Variants in KHDRBS2 observed in about 807,000 individuals in gnomAD.
KHDRBS2 encodes the protein KH domain-containing, RNA-binding, signal transduction-associated protein 2.
Under a neutral mutation model 44.3 loss-of-function variants are expected in KHDRBS2, and 26 were observed. That is an observed-to-expected ratio of 0.59 (90% CI 0.43 to 0.81). The LOEUF is 0.81. Ranked by LOEUF, KHDRBS2 falls within the 40% of genes least tolerant of loss-of-function variation. The pLI is 0.00. For missense variants in KHDRBS2, 476 were observed against 433.1 expected (o/e 1.10, Z -0.88); for synonymous variants, 194 against 151.1 (o/e 1.28, Z -2.08).
At chr6:62,194,379 T>C (rs538252261) in intron 1 of KHDRBS2, among the ~76,000 whole-genome samples, 1 of 151,282 alleles carries the variant, frequency 6.6e-6, no homozygotes, top group Admixed American at 6.6e-5. Flanking sequence ...CAATTAACCA[T>C]GAATGTGTGA....
At chr6:61,575,557 A>G in the KHDRBS2 span, among the ~76,000 whole-genome samples, 1 of 152,206 alleles carries the variant, frequency 6.6e-6, no homozygotes, top group Non-Finnish European at 1.5e-5. Context: ...GAAATTCCTT[A>G]AAGAACTAAA....
intron 1 of KHDRBS2, among the ~76,000 whole-genome samples, chr6:62,263,471 A>G (rs1190774229): frequency 6.6e-6 from 1 of 151,714 alleles, no homozygotes; most frequent in Non-Finnish European, 1.5e-5. Flanking sequence ...ATTAATGTTT[A>G]CTGTAATGGA....
chr6:62,096,759 G>T (rs1303984870), intron 2 of KHDRBS2, among the ~76,000 whole-genome samples: 1 of 151,430 alleles, frequency 6.6e-6, no homozygotes, highest in Non-Finnish European at 1.5e-5. Flanking sequence ...GTTTATTTGG[G>T]TTTGGTACAT....
intron 7 of KHDRBS2, among the ~76,000 whole-genome samples, chr6:61,702,187 C>T (rs1349912077): frequency 6.6e-6 from 1 of 151,898 alleles, no homozygotes; most frequent in Non-Finnish European, 1.5e-5. Context: ...CTCAAGACTA[C>T]ATTTTCTAGT....
At chr6:61,782,701 ATAT>A (rs1562170050) in intron 6 of KHDRBS2, among the ~76,000 whole-genome samples, 1 of 53,664 alleles carries the variant, frequency 1.9e-5, no homozygotes. Flanking sequence ...ATATATATAT[ATAT>A]ATATATATAT....
At chr6:61,546,874 C>T in the KHDRBS2 span, among the ~76,000 whole-genome samples, 1 of 152,026 alleles carries the variant, frequency 6.6e-6, no homozygotes, top group Non-Finnish European at 1.5e-5. Flanking sequence ...TTCTGTTTTA[C>T]AATAATTTGT....
chr6:62,246,102 T>TTTTATATATATATA (rs1434888553), intron 1 of KHDRBS2, among the ~76,000 whole-genome samples: 8 of 124,350 alleles, frequency 6.4e-5, no homozygotes, highest in African/African-American at 2.0e-4. Context: ...TCAATCAATT[T>TTTTATATATATATA]TATATATATA....
chr6:62,129,475 A>G (rs757266241), intron 2 of KHDRBS2, among the ~76,000 whole-genome samples: 3 of 152,190 alleles, frequency 2.0e-5, no homozygotes, highest in Non-Finnish European at 4.4e-5. Context: ...AGTGGGTTAA[A>G]TTAAAATAGC....
chr6:61,765,965 A>G (rs1230301650), intron 6 of KHDRBS2, among the ~76,000 whole-genome samples: 1 of 151,890 alleles, frequency 6.6e-6, no homozygotes, highest in African/African-American at 2.4e-5. Flanking sequence ...TCCTTTGTCT[A>G]GTTTTAGTAT....
At chr6:61,766,266 A>T (rs1779997193) in intron 6 of KHDRBS2, among the ~76,000 whole-genome samples, 1 of 151,914 alleles carries the variant, frequency 6.6e-6, no homozygotes, top group Non-Finnish European at 1.5e-5. Context: ...ATTCACATAT[A>T]GTTGCTCATA....
chr6:62,155,528 G>A (rs1816162938), intron 2 of KHDRBS2, among the ~76,000 whole-genome samples: 1 of 152,148 alleles, frequency 6.6e-6, no homozygotes, highest in African/African-American at 2.4e-5. Context: ...TAACATAAGG[G>A]ACCTAGGTCA....
At position 61,839,096 on chromosome 6, in the gene KHDRBS2, C is replaced by A. The variant is rs151237362; in HGVS notation, c.810+55539G>T. Among the ~76,000 whole-genome samples the A allele has an allele frequency of 1.5e-4, 23 of 152,096 alleles. No homozygotes were observed. In the East Asian group the frequency reaches 3.7e-3, roughly 24 times the overall value. Reference sequence around the variant, plus strand: ...GCTACAACTGGATAATTTTTCACATCTTCTAGATCTCATTTTATAGAGATG... The same window carrying A: ...GCTACAACTGGATAATTTTTCACATATTCTAGATCTCATTTTATAGAGATG... On this transcript the variant is annotated intron_variant, in intron 6 of 8. Coordinates refer to ENST00000281156, the MANE Select transcript of KHDRBS2 (RefSeq NM_152688.4).
chr6:61,877,545 A>G (rs1433518600), intron 6 of KHDRBS2, among the ~76,000 whole-genome samples: 1 of 151,654 alleles, frequency 6.6e-6, no homozygotes, highest in Non-Finnish European at 1.5e-5. Flanking sequence ...ACACAAACCT[A>G]CACTGCTCCC....
chr6:61,559,878 G>A, the KHDRBS2 span, among the ~76,000 whole-genome samples: 1 of 151,956 alleles, frequency 6.6e-6, no homozygotes, highest in Non-Finnish European at 1.5e-5. Flanking sequence ...AACATTCTTT[G>A]TTTTTCTGTG....
At chr6:61,630,103 G>C in the KHDRBS2 span, 1 of 152,206 alleles carries the variant, frequency 6.6e-6, no homozygotes, top group South Asian at 2.1e-4. Context: ...TGATATAATA[G>C]TCTATAAAAT....
At chr6:61,788,549 G>T (rs571584228) in intron 6 of KHDRBS2, among the ~76,000 whole-genome samples, 7 of 151,204 alleles carry the variant, frequency 4.6e-5, no homozygotes, top group South Asian at 2.1e-4. Flanking sequence ...TTTTGAAAAA[G>T]AGTTTCACAT....
chr6:62,172,440 C>A (rs9360346), intron 2 of KHDRBS2, among the ~76,000 whole-genome samples: 1 of 151,962 alleles, frequency 6.6e-6, no homozygotes, highest in African/African-American at 2.4e-5. Flanking sequence ...AAAGCAAATT[C>A]TTAGAGGCCT....
intron 6 of KHDRBS2, among the ~76,000 whole-genome samples, chr6:61,880,164 C>T (rs1057103919): frequency 2.6e-5 from 4 of 151,752 alleles, no homozygotes; most frequent in African/African-American, 9.7e-5. Flanking sequence ...TGGAAAAGTA[C>T]ACACAAAATT....
chr6:61,563,263 G>C, the KHDRBS2 span, among the ~76,000 whole-genome samples: 2 of 152,014 alleles, frequency 1.3e-5, no homozygotes, highest in Non-Finnish European at 2.9e-5. Flanking sequence ...CTTTTGTCAT[G>C]TCAATTTCCC....
Sources: allele counts gnomAD v4.1 joint callset (sites outside exome capture counted in the v4.1 genomes callset), GRCh38; gene constraint gnomAD v4.1.1; transcripts MANE v1.5; gene names NCBI Gene and HGNC (gene_info 2026-07-23, HGNC 2026-07-21).